Variants in FUNDC2 observed in about 807,000 individuals in gnomAD.
FUNDC2 encodes the protein FUN14 domain containing 2, also known as FUN14 domain-containing protein 2.
Under a neutral mutation model 15.6 loss-of-function variants are expected in FUNDC2, and 4 were observed. The observed-to-expected ratio is 0.26, with a 90% confidence interval of 0.13 to 0.59. FUNDC2 has a LOEUF of 0.59. Ranked by LOEUF, FUNDC2 falls within the 20% of genes least tolerant of loss-of-function variation. The pLI, the probability that FUNDC2 is intolerant of heterozygous loss-of-function variation, is 0.90. For missense variants in FUNDC2, 98 were observed against 149.7 expected, an observed-to-expected ratio of 0.65 and a Z score of 1.80; for synonymous variants, 44 against 56.9, an observed-to-expected ratio of 0.77 and a Z score of 1.02.
Position 155,058,422 on chromosome X carries a change from A to G in FUNDC2, c.*3750A>G, listed in dbSNP as rs2073916156. 1 of 111,191 alleles carries G rather than the reference A, an allele frequency of 9.0e-6. No individual in the cohort carries two copies. Among genetic ancestry groups the G allele is most frequent in the Non-Finnish European group, 1.9e-5 (1 of 53,021 alleles). 9.2% of individuals were successfully genotyped at this position (111,191 alleles called of 1,213,427 possible). ...GGTTGGGCTCTTATTTGGAACCTCT[A>G]CTTTTGTACAGTTTGGGAATCTCTG... is the stretch of plus-strand genomic sequence containing the variant. On this transcript the variant is annotated 3_prime_UTR_variant, in exon 5 of 5. Coordinates refer to ENST00000369498, the MANE Select transcript of FUNDC2 (RefSeq NM_023934.4).
At chrX:155,044,443 T>C (rs1363497636) in intron 2 of FUNDC2, among the ~76,000 whole-genome samples, 2 of 111,500 alleles carry the variant, frequency 1.8e-5, no homozygotes, top group South Asian at 3.7e-4. Context: ...GCCAGTGATA[T>C]ATGAGGAAAA....
chrX:155,057,077 G>A lies in FUNDC2; in HGVS notation c.*2405G>A, dbSNP rs1238584635. On this transcript the variant is annotated 3_prime_UTR_variant, in exon 5 of 5. Transcript: ENST00000369498. ...AGAACGGCTGTGAGTTCTGCCCACGGTGTGAGGCCACTGTGACCACTTGGG... is the reference window on the plus strand; with the variant it reads ...AGAACGGCTGTGAGTTCTGCCCACGATGTGAGGCCACTGTGACCACTTGGG... The A allele has an allele frequency of 1.0e-5, 1 of 99,823 alleles. No individual in the cohort carries two copies. Among genetic ancestry groups the A allele is most frequent in the Non-Finnish European group, 2.2e-5 (1 of 45,323 alleles). The allele number at this position is 99,823 out of a possible 1,213,427, so 8.2% of individuals were successfully genotyped here. A position where few individuals can be genotyped will look rare whatever the true frequency, so the allele number is the denominator to read the frequency against.
rs184890065 is a variant in FUNDC2, at chrX:155,057,954, G to C, written c.*3282G>C. On this transcript the variant is annotated 3_prime_UTR_variant, in exon 5 of 5. Coordinates refer to ENST00000369498, the MANE Select transcript of FUNDC2 (RefSeq NM_023934.4). ...GTGTATCCTCATTGCTGACACGGGA[G>C]CTGGGTGCGGGGAGAGATGTGGTGG... The C allele has an allele frequency of 3.1e-4, 35 of 111,784 alleles. No homozygotes were observed. The highest frequency in any genetic ancestry group is 1.3e-4 in the Non-Finnish European group (7 of 53,126). The allele number at this position is 111,784 out of a possible 1,213,427, so 9.2% of individuals were successfully genotyped here. A position where few individuals can be genotyped will look rare whatever the true frequency, so the allele number is the denominator to read the frequency against.
chrX:155,057,725 C>G lies in FUNDC2; in HGVS notation c.*3053C>G, dbSNP rs2073912473. 8.9e-6 allele frequency: 1 copy of G among 111,844 alleles called. No homozygotes were observed. Among genetic ancestry groups the G allele is most frequent in the South Asian group, 3.8e-4 (1 of 2,658 alleles). 9.2% of individuals were successfully genotyped at this position (111,844 alleles called of 1,213,427 possible). ...CTGCGTCCTCACCACTTTGAGCCAC[C>G]CTTTGACCCAGCGTCTCTCCCGCAA... On this transcript the variant is annotated 3_prime_UTR_variant, in exon 5 of 5. Transcript: ENST00000369498.
rs2073889104 is a variant in FUNDC2 at position 155,054,799 on chromosome X, G to T, written c.*127G>T. 1.7e-6 allele frequency: 1 copy of T among 584,006 alleles called. No homozygotes were observed. The highest frequency in any genetic ancestry group is 2.9e-6 in the Non-Finnish European group (1 of 349,628). 48.1% of individuals were successfully genotyped at this position (584,006 alleles called of 1,213,427 possible). ...CTTCCCTGCCATGGCAAATCTGAGTGGCTTCTCTAAGCATCTGCTGGTACA... is the reference window on the plus strand; with the variant it reads ...CTTCCCTGCCATGGCAAATCTGAGTTGCTTCTCTAAGCATCTGCTGGTACA... On this transcript the variant is annotated 3_prime_UTR_variant, in exon 5 of 5. Coordinates refer to ENST00000369498, the MANE Select transcript of FUNDC2 (RefSeq NM_023934.4).
intron 1 of FUNDC2, among the ~76,000 whole-genome samples, chrX:155,032,733 C>T (rs1557288863): frequency 8.9e-6 from 1 of 112,170 alleles, no homozygotes; most frequent in African/African-American, 3.2e-5. Context: ...TGGAGATCCA[C>T]GTAGTACTTA....
intron 1 of FUNDC2, among the ~76,000 whole-genome samples, chrX:155,030,683 C>CTTTTTTTT (rs369740085): frequency 1.2e-5 from 1 of 85,668 alleles, no homozygotes; most frequent in Non-Finnish European, 2.2e-5. Context: ...CTATTTTCTA[C>CTTTTTTTT]TTTTTTTTTT....
rs1299628220 is a variant in FUNDC2 at position 155,057,029 on chromosome X, GTTGGCCTCA to G, written c.*2359_*2367del. 3.1e-5 allele frequency: 3 copies of G among 98,162 alleles called. 1 individual carries two copies. The highest frequency in any genetic ancestry group is 2.1e-4 in the Admixed American group (2 of 9,545). The allele number at this position is 98,162 out of a possible 1,213,427, so 8.1% of individuals were successfully genotyped here. ...GTCATGGTTGAGGTCAGTATTGCAGGTTGGCCTCATCCTGCTAGTATGAGAACGGCTGTG... is the reference window on the plus strand; with the variant it reads ...GTCATGGTTGAGGTCAGTATTGCAGGTCCTGCTAGTATGAGAACGGCTGTG... On this transcript the variant is annotated 3_prime_UTR_variant, in exon 5 of 5. Transcript: ENST00000369498.
At chrX:155,039,749 G>C (rs2073841907) in intron 2 of FUNDC2, among the ~76,000 whole-genome samples, 1 of 111,971 alleles carries the variant, frequency 8.9e-6, no homozygotes, top group Non-Finnish European at 1.9e-5. Context: ...CTATAGCTTT[G>C]TAGTATATTT....
chrX:155,050,436 C>T (rs1461627634), intron 3 of FUNDC2: 1 of 111,581 alleles, frequency 9.0e-6, no homozygotes, highest in Non-Finnish European at 1.9e-5. Context: ...TATGTAAGAG[C>T]CTTCAAATAG....
rs2073911944 is a variant in FUNDC2, at chrX:155,057,626, GTC to G, written c.*2955_*2956del. The stretch of plus-strand genomic sequence containing the variant: ...ACGTAGTGAAGGCTTCCCTTCCCTT[GTC>G]CTGCAGCGTGCTGGACAGTGTCCCG... On this transcript the variant is annotated 3_prime_UTR_variant, in exon 5 of 5. Transcript: ENST00000369498. 8.9e-6 allele frequency: 1 copy of G among 111,922 alleles called. No homozygotes were observed. Among genetic ancestry groups the G allele is most frequent in the Non-Finnish European group, 1.9e-5 (1 of 53,111 alleles). The allele number at this position is 111,922 out of a possible 1,213,427, so 9.2% of individuals were successfully genotyped here. A position where few individuals can be genotyped will look rare whatever the true frequency, so the allele number is the denominator to read the frequency against.
rs189444921 is a variant in FUNDC2 at position 155,042,078 on chromosome X, A to G, written c.285-4431A>G. Among the ~76,000 whole-genome samples the G allele has an allele frequency of 3.5e-3, 371 of 106,085 alleles. 10 individuals are homozygous for G. The highest frequency in any genetic ancestry group is 0.034 in the Admixed American group (332 of 9,908). 92.1% of individuals were successfully genotyped at this position (106,085 alleles called of 115,157 possible). A position where few individuals can be genotyped will look rare whatever the true frequency, so the allele number is the denominator to read the frequency against. On this transcript the variant is annotated intron_variant, in intron 2 of 4. Coordinates refer to ENST00000369498, the MANE Select transcript of FUNDC2 (RefSeq NM_023934.4). ...AGCGAGACTCCGTCTCAAAAAAAAA[A>G]AAAAAAAAGAAAAAAAAGAAAAAAA...
intron 3 of FUNDC2, chrX:155,047,152 C>T: frequency 7.8e-6 from 2 of 256,409 alleles, no homozygotes; most frequent in Non-Finnish European, 1.5e-5. Context: ...ATTAGGCATA[C>T]ATTTCTTAGC....
chrX:155,032,438 G>T (rs1390193902), intron 1 of FUNDC2, among the ~76,000 whole-genome samples: 1 of 108,074 alleles, frequency 9.3e-6, no homozygotes, highest in African/African-American at 3.4e-5. Context: ...CACCACCCCC[G>T]GCTAATTTTG....
intron 2 of FUNDC2, among the ~76,000 whole-genome samples, chrX:155,044,742 C>T (rs1465181555): frequency 2.7e-5 from 3 of 111,689 alleles, no homozygotes; most frequent in Non-Finnish European, 5.7e-5. Flanking sequence ...AAAAAGGAAC[C>T]CTAGTACACT....
At chrX:155,049,087 C>T (rs781995120) in intron 3 of FUNDC2, 42 of 112,893 alleles carry the variant, frequency 3.7e-4, no homozygotes, top group African/African-American at 1.1e-3. Context: ...AGATCATTTC[C>T]AGCACTTTTT....
At chrX:155,032,327 C>T (rs1456537168) in intron 1 of FUNDC2, among the ~76,000 whole-genome samples, 1 of 86,729 alleles carries the variant, frequency 1.2e-5, no homozygotes, top group Non-Finnish European at 2.1e-5. Flanking sequence ...ATTCTTGTTG[C>T]GCAGGCTAGA....
Position 155,055,572 on chromosome X carries a change from A to G in FUNDC2, c.*900A>G, listed in dbSNP as rs923445511. On this transcript the variant is annotated 3_prime_UTR_variant, in exon 5 of 5. Coordinates refer to ENST00000369498, the MANE Select transcript of FUNDC2 (RefSeq NM_023934.4). Reference sequence around the variant, plus strand: ...TGAGAAATAAATTTCCATCAAGTGTAATCTACCGTCTCATGATGACCACAA... The same window carrying G: ...TGAGAAATAAATTTCCATCAAGTGTGATCTACCGTCTCATGATGACCACAA... 4.1e-6 allele frequency: 1 copy of G among 245,516 alleles called. No individual in the cohort carries two copies. The highest frequency in any genetic ancestry group is 7.3e-6 in the Non-Finnish European group (1 of 137,781). The allele number at this position is 245,516 out of a possible 1,213,427, so 20.2% of individuals were successfully genotyped here. A position where few individuals can be genotyped will look rare whatever the true frequency, so the allele number is the denominator to read the frequency against.
rs782034619 is a variant in FUNDC2 at position 155,056,813 on chromosome X, C to G, written c.*2141C>G. ...GCCTCTCCAGTGGGGTAGGGGTTGT[C>G]TTTTGGTGCATCTGTTTTTCCTGTG... On this transcript the variant is annotated 3_prime_UTR_variant, in exon 5 of 5. Coordinates refer to ENST00000369498, the MANE Select transcript of FUNDC2 (RefSeq NM_023934.4). 1 of 111,529 alleles carries G rather than the reference C, an allele frequency of 9.0e-6. No individual in the cohort carries two copies. The highest frequency in any genetic ancestry group is 1.9e-5 in the Non-Finnish European group (1 of 53,109). The allele number at this position is 111,529 out of a possible 1,213,427, so 9.2% of individuals were successfully genotyped here.
Sources: gnomAD v4.1 joint callset for allele counts (sites outside exome capture counted in the v4.1 genomes callset) on GRCh38, gnomAD v4.1.1 for gene constraint, MANE v1.5 for transcripts, NCBI Gene and HGNC (gene_info 2026-07-23, HGNC 2026-07-21) for gene names.